Variants in ARHGAP33 observed in about 807,000 individuals in gnomAD.
The protein encoded by ARHGAP33 is Rho GTPase activating protein 33, also known as rho GTPase-activating protein 33.
A neutral mutation model predicts 126.2 loss-of-function variants in ARHGAP33; 57 were observed. The observed-to-expected ratio is 0.45, with a 90% CI of 0.36 to 0.56. The LOEUF (loss-of-function observed/expected upper bound fraction) is 0.56. ARHGAP33 is among the 20% of genes least tolerant of loss of function. ARHGAP33 has a pLI of 0.00. For synonymous variants in ARHGAP33, 711 were observed against 755.0 expected (o/e 0.94, Z 0.95); for missense variants, 1,500 against 1,748.3 (o/e 0.86, Z 2.53).
At position 35,781,084 on chromosome 19, in the gene ARHGAP33, G is replaced by A. The variant is rs1322880655; in HGVS notation, c.982+12G>A. On this transcript the variant is annotated intron_variant, in intron 11 of 20. Coordinates refer to ENST00000007510, the MANE Select transcript of ARHGAP33 (RefSeq NM_001366178.1). ...CTCAGGCCAGGATGGTGAGGCCGGGGCCCACCCACCCCACCCGTCACACCA... is the reference window on the plus strand; with the variant it reads ...CTCAGGCCAGGATGGTGAGGCCGGGACCCACCCACCCCACCCGTCACACCA... 1.2e-6 allele frequency: 2 copies of A among 1,607,624 alleles called. No individual in the cohort carries two copies. The highest frequency in any genetic ancestry group is 2.2e-5 in the East Asian group (1 of 44,826).
rs1599780211 is a variant in ARHGAP33 at position 35,780,611 on chromosome 19, A to G, written c.732A>G (p.Glu244=). ...GGTTCTTCCCCAGTGAGTGTGTGGA[A>G]CTCTTCACAGAGCGGCCAGGTCCGG... ...QVGFFPSECV[E]LFTERPGPGL... The change falls in exon 9 of 21, where the codon GAA becomes GAG. Residue 244 remains glutamate (E), a synonymous_variant. Transcript: ENST00000007510. 2.5e-6 allele frequency: 4 copies of G among 1,594,456 alleles called. No homozygotes were observed. Among genetic ancestry groups the G allele is most frequent in the Non-Finnish European group, 3.4e-6 (4 of 1,175,570 alleles).
In ARHGAP33 at chr19:35,782,555, C is replaced by T. The variant is rs369183032; in HGVS notation, c.1230+38C>T. 1.7e-5 allele frequency: 28 copies of T among 1,613,354 alleles called. No homozygotes were observed. Among genetic ancestry groups the T allele is most frequent in the African/African-American group, 1.3e-4 (10 of 74,912 alleles). Reference sequence around the variant, plus strand: ...GCTGGCGGGACGGAGGGGGCCGGGACGCCTCTGGCCCAGACCTCATCACAC... The same window carrying T: ...GCTGGCGGGACGGAGGGGGCCGGGATGCCTCTGGCCCAGACCTCATCACAC... On this transcript the variant is annotated intron_variant, in intron 13 of 20. Transcript: ENST00000007510. The surrounding 1 kb of genome is among the most constrained non-coding windows in gnomAD (Gnocchi z 4.1).
chr19:35,788,179 G>T lies in ARHGAP33; in HGVS notation c.3614G>T (p.Arg1205Leu). The change falls in exon 21 of 21, where the codon CGC becomes CTC. Residue 1205 changes from arginine to leucine, a missense_variant. This residue lies in a region of ARHGAP33 where 642 missense variants were observed against 634.0 expected (regional missense o/e 1.01). Transcript: ENST00000007510. The part of the protein sequence containing the change: ...SRSDPGPPVP[R>L]LPQKQRAPWG... ...TCAGATCCCGGTCCCCCAGTCCCCCGCCTTCCCCAGAAACAACGGGCACCC... is the reference window on the plus strand; with the variant it reads ...TCAGATCCCGGTCCCCCAGTCCCCCTCCTTCCCCAGAAACAACGGGCACCC... The T allele has an allele frequency of 7.1e-7, 1 of 1,399,112 alleles. No individual in the cohort carries two copies. Among genetic ancestry groups the T allele is most frequent in the Non-Finnish European group, 9.5e-7 (1 of 1,051,128 alleles). 86.7% of individuals were successfully genotyped at this position (1,399,112 alleles called of 1,614,324 possible).
Position 35,788,022 on chromosome 19 carries a change from T to G in ARHGAP33, c.3457T>G (p.Ser1153Ala), listed in dbSNP as rs1972217082. ...CTTTCCCCCTGACCACCTTGGCTACTCAGCCCCCCAGCACCCTGCTCGGCG... is the reference window on the plus strand; with the variant it reads ...CTTTCCCCCTGACCACCTTGGCTACGCAGCCCCCCAGCACCCTGCTCGGCG... ...SCFPPDHLGYSAPQHPARRPT... is the reference protein window; with the variant it reads ...SCFPPDHLGYAAPQHPARRPT... The change falls in exon 21 of 21, where the codon TCA becomes GCA. Residue 1153 changes from serine to alanine, a missense_variant. Physicochemically the swap from Ser to Ala is moderately conservative, Grantham distance 99. Around this residue, in one of 6 missense-constraint regions of ARHGAP33, gnomAD observed 642 missense variants for 634.0 expected, o/e 1.01. Coordinates refer to ENST00000007510, the MANE Select transcript of ARHGAP33 (RefSeq NM_001366178.1). 2 of 1,467,628 alleles carry G rather than the reference T, an allele frequency of 1.4e-6. No homozygotes were observed. The highest frequency in any genetic ancestry group is 1.8e-4 in the Middle Eastern group (1 of 5,416). The allele number at this position is 1,467,628 out of a possible 1,614,324, so 90.9% of individuals were successfully genotyped here. A position where few individuals can be genotyped will look rare whatever the true frequency, so the allele number is the denominator to read the frequency against.
Position 35,788,103 on chromosome 19 carries a change from T to C in ARHGAP33, c.3538T>C (p.Ser1180Pro). 1 of 1,610,040 alleles carries C rather than the reference T, an allele frequency of 6.2e-7. No individual in the cohort carries two copies. The highest frequency in any genetic ancestry group is 8.5e-7 in the Non-Finnish European group (1 of 1,178,862). ...VNLALGPRGP[S>P]PASSSSSSPP... ...CCTAGCTCTAGGGCCCAGGGGTCCCTCACCTGCCTCTTCCTCCTCCTCTTC... is the reference window on the plus strand; with the variant it reads ...CCTAGCTCTAGGGCCCAGGGGTCCCCCACCTGCCTCTTCCTCCTCCTCTTC... Residue 1180 changes from serine (S) to proline (P), a missense_variant, in exon 21 of 21, where the codon TCA (serine) becomes CCA (proline). Ser to Pro is a moderately conservative substitution (Grantham distance 74, BLOSUM62 -1). Coordinates refer to ENST00000007510, the MANE Select transcript of ARHGAP33 (RefSeq NM_001366178.1).
Position 35,788,248 on chromosome 19 carries a change from C to G in ARHGAP33, c.3683C>G (p.Pro1228Arg). The change falls in exon 21 of 21, where the codon CCT becomes CGT. Residue 1228 changes from proline (P) to arginine (R), a missense_variant. Transcript: ENST00000007510. ...CATAGGGTGCCGGGTCCCTGGGGCC[C>G]TCCTGAGCCTCTCCTGCTCTACAGG... is the stretch of plus-strand genomic sequence containing the variant. ...TPHRVPGPWGPPEPLLLYRAA... is the reference protein window; with the variant it reads ...TPHRVPGPWGRPEPLLLYRAA... 1 of 1,609,482 alleles carries G rather than the reference C, an allele frequency of 6.2e-7. No individual in the cohort carries two copies. Among genetic ancestry groups the G allele is most frequent in the Non-Finnish European group, 8.5e-7 (1 of 1,178,790 alleles).
chr19:35,777,521 C>A, intron 1 of ARHGAP33, 124 bp from the exon 2 acceptor site: 1 of 756,106 alleles, frequency 1.3e-6, no homozygotes, highest in South Asian at 1.6e-5. Flanking sequence ...ACCTGCCATC[C>A]TGCTTCATGC....
In ARHGAP33 at chr19:35,787,067, C is replaced by T. The variant is rs1972152039; in HGVS notation, c.2597C>T (p.Pro866Leu). 2 of 1,602,440 alleles carry T rather than the reference C, an allele frequency of 1.2e-6. No homozygotes were observed. Among genetic ancestry groups the T allele is most frequent in the Non-Finnish European group, 8.5e-7 (1 of 1,173,756 alleles). ...MCSKLRGAQG[P>L]LGPDMESPLP... ...AGCAAGCTCCGGGGAGCCCAGGGCC[C>T]ACTCGGTGAGTCCTCAGCCTACCCC... The change falls in exon 20 of 21, where the codon CCA becomes CTA. Residue 866 changes from proline to leucine, a missense_variant. Pro to Leu is a moderately conservative substitution (Grantham distance 98). Coordinates refer to ENST00000007510, the MANE Select transcript of ARHGAP33 (RefSeq NM_001366178.1).
chr19:35,778,226 CAGG>C (rs1971560571), intron 3 of ARHGAP33, 51 bp from the exon 4 acceptor site: 1 of 1,590,100 alleles, frequency 6.3e-7, no homozygotes, highest in Non-Finnish European at 8.6e-7. Flanking sequence ...GTGCCATCCC[CAGG>C]AGGTCAGGAC....
intron 1 of ARHGAP33, among the ~76,000 whole-genome samples, chr19:35,776,502 G>A (rs1971468278): frequency 6.6e-6 from 1 of 152,220 alleles, no homozygotes; most frequent in South Asian, 2.1e-4. Context: ...GACCCTGAGG[G>A]TGACTGGGGG....
Position 35,778,479 on chromosome 19 carries a change from G to C in ARHGAP33, c.286G>C (p.Val96Leu). The C allele has an allele frequency of 6.2e-7, 1 of 1,614,180 alleles. No homozygotes were observed. Among genetic ancestry groups the C allele is most frequent in the Non-Finnish European group, 8.5e-7 (1 of 1,180,046 alleles). The change falls in exon 5 of 21, where the codon GTT becomes CTT. Residue 96 changes from valine (V) to leucine (L), a missense_variant. By Grantham distance (32) the Val-to-Leu change is conservative (BLOSUM62 1). Transcript: ENST00000007510. ...QVTCQGRSWP[V>L]LRSYDDFRSL... ...GCTCCCACAGGGCCGTTCCTGGCCG[G>C]TTCTCCGGAGTTACGATGACTTTCG...
rs1339106241 is a variant in ARHGAP33 at position 35,787,560 on chromosome 19, G to A, written c.2995G>A (p.Val999Ile). The change falls in exon 21 of 21, where the codon GTC becomes ATC. Residue 999 changes from valine to isoleucine, a missense_variant. Physicochemically the swap from Val to Ile is conservative, Grantham distance 29 (BLOSUM62 3). Transcript: ENST00000007510. ...GAGGGGACTCCGAGGCCCTGCCCAG[G>A]TCAGTGCCCAGCTCAGGGCAGGTGG... The part of the protein sequence containing the change: ...SRRGLRGPAQ[V>I]SAQLRAGGGG... The A allele has an allele frequency of 3.1e-6, 5 of 1,611,858 alleles. No homozygotes were observed. Among genetic ancestry groups the A allele is most frequent in the Admixed American group, 1.7e-5 (1 of 59,868 alleles).
Position 35,787,223 on chromosome 19 carries a change from G to T in ARHGAP33, c.2658G>T (p.Gly886=), listed in dbSNP as rs749878748. The change falls in exon 21 of 21, where the codon GGG becomes GGT. Residue 886 remains glycine, a synonymous_variant. Transcript: ENST00000007510. ...CTCCCCTGTCTCTCCTGCGCCCTGG[G>T]GGTGCCCCACCCCCGCCCCCTAAGA... ...PPPPLSLLRP[G]GAPPPPPKNP... is the part of the protein sequence containing the mutation. 1 of 1,610,850 alleles carries T rather than the reference G, an allele frequency of 6.2e-7. No homozygotes were observed. The highest frequency in any genetic ancestry group is 2.2e-5 in the East Asian group (1 of 44,814).
intron 17 of ARHGAP33, 23 bp downstream of exon 17, chr19:35,785,129 C>T (rs747854572): frequency 1.3e-6 from 2 of 1,589,088 alleles, no homozygotes; most frequent in Admixed American, 1.7e-5. Context: ...CTGGGGGTGG[C>T]GAGGGGCAGG....
In ARHGAP33 at chr19:35,785,495, G is replaced by A. The variant is rs776585390; in HGVS notation, c.1942+12G>A. Reference sequence around the variant, plus strand: ...GGCCAGCGGGGCTGGTGAGCAAGGCGGGCAATTGGGGGGCGCTACCTGTGC... The same window carrying A: ...GGCCAGCGGGGCTGGTGAGCAAGGCAGGCAATTGGGGGGCGCTACCTGTGC... On this transcript the variant is annotated intron_variant, in intron 19 of 20. Coordinates refer to ENST00000007510, the MANE Select transcript of ARHGAP33 (RefSeq NM_001366178.1). 1.4e-5 allele frequency: 23 copies of A among 1,614,018 alleles called. No individual in the cohort carries two copies. Among genetic ancestry groups the A allele is most frequent in the African/African-American group, 1.2e-4 (9 of 74,932 alleles).
chr19:35,787,414 G>A lies in ARHGAP33; in HGVS notation c.2849G>A (p.Gly950Glu). ...GAGCCCCTGGGGACCTCAGGGAGTG[G>A]GCCACCTCCCAACTCCCTAGCACAC... ...GGEPLGTSGS[G>E]PPPNSLAHPG... The change falls in exon 21 of 21, where the codon GGG (glycine) becomes GAG (glutamate). Residue 950 changes from glycine (G) to glutamate (E), a missense_variant. Around this residue, in one of 6 missense-constraint regions of ARHGAP33, gnomAD observed 642 missense variants for 634.0 expected, o/e 1.01. Coordinates refer to ENST00000007510, the MANE Select transcript of ARHGAP33 (RefSeq NM_001366178.1). 6.2e-7 allele frequency: 1 copy of A among 1,610,802 alleles called. No individual in the cohort carries two copies. The highest frequency in any genetic ancestry group is 8.5e-7 in the Non-Finnish European group (1 of 1,178,588).
At position 35,788,430 on chromosome 19, in the gene ARHGAP33, GCAC is replaced by G; in HGVS notation, c.*4_*6del. The G allele has an allele frequency of 6.5e-7, 1 of 1,539,424 alleles. No homozygotes were observed. The highest frequency in any genetic ancestry group is 8.8e-7 in the Non-Finnish European group (1 of 1,141,288). ...GGGCCAGACCCGAAGCTACTGCTGA[GCAC>G]CAGCTGGGAGGGGCCGTCCTTCCTT... On this transcript the variant is annotated 3_prime_UTR_variant, in exon 21 of 21. Coordinates refer to ENST00000007510, the MANE Select transcript of ARHGAP33 (RefSeq NM_001366178.1).
Position 35,777,882 on chromosome 19 carries a change from G to A in ARHGAP33, c.163G>A (p.Glu55Lys), listed in dbSNP as rs750991706. The A allele has an allele frequency of 1.9e-6, 3 of 1,614,064 alleles. No homozygotes were observed. The highest frequency in any genetic ancestry group is 2.2e-5 in the East Asian group (1 of 44,892). The change falls in exon 3 of 21, where the codon GAG (glutamate) becomes AAG (lysine). Residue 55 changes from glutamate to lysine, a missense_variant. By Grantham distance (56) the Glu-to-Lys change is moderately conservative. This residue lies in a region of ARHGAP33 where 129 missense variants were observed against 145.9 expected (regional missense o/e 0.88). Transcript: ENST00000007510. Reference protein sequence around the residue: ...RLADCAHFHYENVDFGHIQLL... With the variant: ...RLADCAHFHYKNVDFGHIQLL... The stretch of plus-strand genomic sequence containing the variant: ...GGCTGACTGCGCCCATTTCCACTAC[G>A]AGAACGTTGACTTTGGCCACATTCA...
Position 35,779,011 on chromosome 19 carries a change from A to C in ARHGAP33, c.409-21A>C, listed in dbSNP as rs778947202. ...CTCTCACGTCCACTCACAGAGGCCC[A>C]CTCTGACAACCTGCCCCCAGATGCT... On this transcript the variant is annotated intron_variant, in intron 5 of 20. Transcript: ENST00000007510. The C allele has an allele frequency of 9.0e-6, 14 of 1,547,548 alleles. No homozygotes were observed. In the South Asian group the frequency reaches 1.7e-4, roughly 18 times the overall value.
Sources: gnomAD v4.1 joint callset for allele counts (sites outside exome capture counted in the v4.1 genomes callset) on GRCh38, gnomAD v4.1.1 for gene constraint, gnomAD v4.1.1 regional missense constraint, Gnocchi (gnomAD v3.1) non-coding constraint, MANE v1.5 for transcripts, NCBI Gene and HGNC (gene_info 2026-07-23, HGNC 2026-07-21) for gene names.